Variants in PLB1 observed in about 807,000 individuals in gnomAD.
PLB1 encodes the protein phospholipase B1, membrane-associated.
In PLB1, 242 loss-of-function variants were observed where a neutral mutation model predicts 227.4. That is an observed-to-expected ratio of 1.06 (90% CI 0.96 to 1.18). The LOEUF (loss-of-function observed/expected upper bound fraction) is 1.18, where lower values mean the gene tolerates loss of function less well. PLB1 is among the 50% of genes most tolerant of loss of function. The pLI, the probability that PLB1 is intolerant of heterozygous loss-of-function variation, is 0.00. For missense variants in PLB1, 1,858 were observed against 1,816.3 expected, an observed-to-expected ratio of 1.02 and a Z score of -0.42; for synonymous variants, 757 against 682.2, an observed-to-expected ratio of 1.11 and a Z score of -1.71.
At chr2:28,632,365 T>C (rs1236508990) in intron 55 of PLB1, among the ~76,000 whole-genome samples, 1 of 151,534 alleles carries the variant, frequency 6.6e-6, no homozygotes, top group Non-Finnish European at 1.5e-5. Context: ...CTCCCAGGCC[T>C]GGCCCTGATG....
chr2:28,643,200 G>T lies in PLB1; in HGVS notation c.*139G>T. On this transcript the variant is annotated 3_prime_UTR_variant, in exon 58 of 58. Coordinates refer to ENST00000327757, the MANE Select transcript of PLB1 (RefSeq NM_153021.5). ...CCAGGGGACAGTCACAACTTCTTGG[G>T]GCCTGGGCTTCTTCCAGGCCTATGC... The T allele has an allele frequency of 2.8e-6, 2 of 726,794 alleles. No individual in the cohort carries two copies. The highest frequency in any genetic ancestry group is 2.2e-6 in the Non-Finnish European group (1 of 454,876). 45.0% of individuals were successfully genotyped at this position (726,794 alleles called of 1,614,324 possible).
chr2:28,525,162 C>G, intron 4 of PLB1, 105 bp from the exon 5 acceptor site: 1 of 1,058,224 alleles, frequency 9.4e-7, no homozygotes. Flanking sequence ...TGTAGGTTCC[C>G]TCTTACTGGC....
chr2:28,620,470 T>TTAC, intron 47 of PLB1, 130 bp from the exon 48 acceptor site: 1 of 1,361,552 alleles, frequency 7.3e-7, no homozygotes, highest in South Asian at 1.4e-5. Context: ...AATGCTTGCA[T>TTAC]TACCCCTGAG....
intron 57 of PLB1, among the ~76,000 whole-genome samples, chr2:28,641,210 G>A (rs1346289720): frequency 6.6e-6 from 1 of 152,232 alleles, no homozygotes; most frequent in Non-Finnish European, 1.5e-5. Context: ...ACGTTCAACA[G>A]CTCCAACCGA....
At chr2:28,587,040 C>G (rs1487237765) in intron 26 of PLB1, among the ~76,000 whole-genome samples, 1 of 152,188 alleles carries the variant, frequency 6.6e-6, no homozygotes, top group African/African-American at 2.4e-5. Flanking sequence ...TGAGCCACCG[C>G]GCCAAGCCAC....
At chr2:28,513,872 A>G (rs917266884) in intron 1 of PLB1, among the ~76,000 whole-genome samples, 5 of 152,138 alleles carry the variant, frequency 3.3e-5, no homozygotes, top group Non-Finnish European at 5.9e-5. Context: ...CCCAGCCCCA[A>G]CCCTCTAAAC....
intron 26 of PLB1, among the ~76,000 whole-genome samples, chr2:28,588,947 C>T (rs1293150517): frequency 2.0e-5 from 3 of 151,960 alleles, no homozygotes; most frequent in East Asian, 1.9e-4. Context: ...GGGTGGATCA[C>T]GAGGTCAGGA....
At chr2:28,592,515 G>A (rs1682139530) in intron 31 of PLB1, 146 bp from the exon 32 acceptor site, 3 of 761,490 alleles carry the variant, frequency 3.9e-6, no homozygotes, top group Non-Finnish European at 4.7e-6. Context: ...ATATAACTTT[G>A]CCTCCATGGC....
chr2:28,625,152 C>T (rs1255148038), intron 50 of PLB1, 44 bp downstream of exon 50: 2 of 1,575,278 alleles, frequency 1.3e-6, no homozygotes, highest in Non-Finnish European at 1.7e-6. Flanking sequence ...TGCCCATCTC[C>T]TGCTGGCTGG....
At chr2:28,610,774 C>A (rs1049723714) in intron 43 of PLB1, among the ~76,000 whole-genome samples, 5 of 152,174 alleles carry the variant, frequency 3.3e-5, no homozygotes, top group African/African-American at 1.2e-4. Context: ...CACTGACTCA[C>A]GTTGCTGACT....
Position 28,621,054 on chromosome 2 carries a change from G to A in PLB1, c.3527+76G>A, listed in dbSNP as rs1027461940. On this transcript the variant is annotated intron_variant, in intron 49 of 57. Transcript: ENST00000327757. Reference sequence around the variant, plus strand: ...AGGGTGGGAAACCGGAGGAGAGGAGGGTGGTGTCCAGAAGCCTGGTCCCAG... The same window carrying A: ...AGGGTGGGAAACCGGAGGAGAGGAGAGTGGTGTCCAGAAGCCTGGTCCCAG... The A allele has an allele frequency of 1.0e-5, 13 of 1,303,296 alleles. No homozygotes were observed. The African/African-American group carries it at 1.8e-4, about 18-fold the overall frequency. The allele number at this position is 1,303,296 out of a possible 1,614,324, so 80.7% of individuals were successfully genotyped here.
chr2:28,580,982 C>T lies in PLB1; in HGVS notation c.1567-1086C>T, dbSNP rs572780258. On this transcript the variant is annotated intron_variant, in intron 23 of 57. Transcript: ENST00000327757. ...TCACCAGGAGTCAGGAGTTTTCAAG[C>T]TGTGATCTGAAGGGCCCAGAGGGGA... 9.2e-5 allele frequency among the ~76,000 whole-genome samples: 14 copies of T among 152,202 alleles called. No homozygotes were observed. In the South Asian group the frequency reaches 2.9e-3, roughly 32 times the overall value.
In PLB1 at chr2:28,632,114, C is replaced by G. The variant is rs751797916; in HGVS notation, c.3976C>G (p.Gln1326Glu). 6.2e-7 allele frequency: 1 copy of G among 1,613,934 alleles called. No homozygotes were observed. The highest frequency in any genetic ancestry group is 8.5e-7 in the Non-Finnish European group (1 of 1,179,854). ...DFAVVVQPFFQNTLTPLNERG... is the reference protein window; with the variant it reads ...DFAVVVQPFFENTLTPLNERG... ...TGCGGTTGTGGTGCAGCCTTTCTTC[C>G]AAAACACACTCACCCCACTGAACGA... The change falls in exon 55 of 58, where the codon CAA becomes GAA. Residue 1326 changes from glutamine to glutamate, a missense_variant. Coordinates refer to ENST00000327757, the MANE Select transcript of PLB1 (RefSeq NM_153021.5).
intron 27 of PLB1, 55 bp from the exon 28 acceptor site, chr2:28,589,620 A>G: frequency 6.2e-7 from 1 of 1,607,044 alleles, no homozygotes; most frequent in Non-Finnish European, 8.5e-7. Context: ...TCTGAGTGTC[A>G]CTTATATGAT....
chr2:28,520,155 T>C (rs1572713786), intron 4 of PLB1, among the ~76,000 whole-genome samples: 1 of 151,998 alleles, frequency 6.6e-6, no homozygotes, highest in East Asian at 1.9e-4. Flanking sequence ...CTCGAACTCC[T>C]GACCTCAGGT....
rs765106795 is a variant in PLB1 at position 28,598,690 on chromosome 2, G to A, written c.2404G>A (p.Ala802Thr). The A allele has an allele frequency of 7.4e-6, 12 of 1,614,100 alleles. No homozygotes were observed. In the South Asian group the frequency reaches 7.7e-5, roughly 10 times the overall value. ...REFNRNLTGYAVGTGDANDTN... is the reference protein window; with the variant it reads ...REFNRNLTGYTVGTGDANDTN... ...GTTTAACAGAAACCTCACAGGCTAC[G>A]CCGTGGGCACGGGTGATGCCAATGA... Residue 802 changes from alanine (A) to threonine (T), a missense_variant, in exon 35 of 58, where the codon GCC (alanine) becomes ACC (threonine). By Grantham distance (58) the Ala-to-Thr change is moderately conservative (BLOSUM62 0). Coordinates refer to ENST00000327757, the MANE Select transcript of PLB1 (RefSeq NM_153021.5).
intron 17 of PLB1, among the ~76,000 whole-genome samples, chr2:28,557,296 G>A (rs1467070197): frequency 6.6e-6 from 1 of 152,182 alleles, no homozygotes; most frequent in Non-Finnish European, 1.5e-5. Context: ...CTCTGTGGAA[G>A]GCACGCATTG....
rs985209548 is a variant in PLB1 at position 28,606,536 on chromosome 2, G to C, written c.3098G>C (p.Arg1033Thr). 1.2e-6 allele frequency: 2 copies of C among 1,614,200 alleles called. No homozygotes were observed. The highest frequency in any genetic ancestry group is 1.7e-6 in the Non-Finnish European group (2 of 1,180,036). The change falls in exon 43 of 58, where the codon AGA becomes ACA. Residue 1033 changes from arginine (R) to threonine (T), a missense_variant. Physicochemically the swap from Arg to Thr is moderately conservative, Grantham distance 71. Transcript: ENST00000327757. ...LGSKTETLDL[R>T]AEMPITCPTQ... ...AGCAAAACAGAGACCCTGGACCTGAGAGCAGAGATGCCCATCACCTGTCCC... is the reference window on the plus strand; with the variant it reads ...AGCAAAACAGAGACCCTGGACCTGACAGCAGAGATGCCCATCACCTGTCCC...
intron 57 of PLB1, 149 bp downstream of exon 57, chr2:28,641,150 T>A (rs1002097436): frequency 9.5e-6 from 7 of 739,698 alleles, no homozygotes; most frequent in Non-Finnish European, 1.5e-5. Context: ...CTGTCCCCAG[T>A]GCCACGGAAA....
Sources: allele counts gnomAD v4.1 joint callset (sites outside exome capture counted in the v4.1 genomes callset), GRCh38; gene constraint gnomAD v4.1.1; transcripts MANE v1.5; gene names NCBI Gene and HGNC (gene_info 2026-07-23, HGNC 2026-07-21).